AHCY: variants seen among roughly 807,000 people sequenced by gnomAD.
AHCY encodes adenosylhomocysteinase.
Under a neutral mutation model 45.4 loss-of-function variants are expected in AHCY, and 24 were observed. That is an observed-to-expected ratio of 0.53 (90% CI 0.38 to 0.74). The LOEUF (loss-of-function observed/expected upper bound fraction) is 0.74. Among genes scored for constraint, AHCY ranks in the 30% least tolerant of loss-of-function variants. The probability of loss-of-function intolerance (pLI) is 0.00; values close to 1 mark genes in which losing one functional copy is unlikely to be tolerated. For synonymous variants in AHCY, 245 were observed against 235.1 expected, an observed-to-expected ratio of 1.04 and a Z score of -0.39; for missense variants, 449 against 594.1, an observed-to-expected ratio of 0.76 and a Z score of 2.54.
In AHCY at chr20:34,290,096, G is replaced by C. The variant is rs1411735763; in HGVS notation, c.972+236C>G. 1.3e-5 allele frequency among the ~76,000 whole-genome samples: 2 copies of C among 152,344 alleles called. No individual in the cohort carries two copies. Among genetic ancestry groups the C allele is most frequent in the South Asian group, 4.1e-4 (2 of 4,824 alleles). The stretch of plus-strand genomic sequence containing the variant: ...GCTTTTATTCTGCACACAGTAGCTA[G>C]AGTGATCTTTCTAAAACTACAGCCT... On this transcript the variant is annotated intron_variant, in intron 8 of 9. Transcript: ENST00000217426. This position sits in a 1 kb window ranked among gnomAD's most constrained non-coding sequence, Gnocchi z 4.5.
At chr20:34,274,374 T>C in the AHCY span, among the ~76,000 whole-genome samples, 1 of 152,166 alleles carries the variant, frequency 6.6e-6, no homozygotes, top group Non-Finnish European at 1.5e-5. Flanking sequence ...CCAGCCCATG[T>C]CATTCCAGAG....
the AHCY span, among the ~76,000 whole-genome samples, chr20:34,247,261 A>G: frequency 1.3e-5 from 2 of 148,182 alleles, no homozygotes; most frequent in Non-Finnish European, 3.0e-5. Context: ...ACAGGTTTCC[A>G]TCTTATTACG....
At chr20:34,244,834 T>C in the AHCY span, among the ~76,000 whole-genome samples, 1 of 152,206 alleles carries the variant, frequency 6.6e-6, no homozygotes, top group Non-Finnish European at 1.5e-5. Flanking sequence ...GGGTGGACTT[T>C]GTAACAACAA....
rs998856710 is a variant in AHCY at position 34,280,491 on chromosome 20, C to T, written c.*543G>A. The T allele has an allele frequency of 5.5e-6, 1 of 180,976 alleles. No homozygotes were observed. Among genetic ancestry groups the T allele is most frequent in the Non-Finnish European group, 1.2e-5 (1 of 83,938 alleles). 11.2% of individuals were successfully genotyped at this position (180,976 alleles called of 1,614,324 possible). A position where few individuals can be genotyped will look rare whatever the true frequency, so the allele number is the denominator to read the frequency against. On this transcript the variant is annotated 3_prime_UTR_variant, in exon 10 of 10. Transcript: ENST00000217426. ...GTTGCCCCTTAACAGTCTATTCTAA[C>T]CCCTGTAAAACAGGGACTAAAAGTA...
At chr20:34,245,146 A>T in the AHCY span, among the ~76,000 whole-genome samples, 293 of 151,782 alleles carry the variant, frequency 1.9e-3, 2 homozygotes, top group Non-Finnish European at 2.8e-3. Flanking sequence ...CCAGCCTGGC[A>T]AACATGATGA....
chr20:34,246,392 G>T, the AHCY span: 1 of 1,373,570 alleles, frequency 7.3e-7, no homozygotes, highest in South Asian at 1.2e-5. Flanking sequence ...TTTACAATGA[G>T]CAACATCAGG....
At chr20:34,295,345 T>G (rs199646406) in intron 2 of AHCY, 50 bp downstream of exon 2, 1 of 1,609,206 alleles carries the variant, frequency 6.2e-7, no homozygotes, top group Non-Finnish European at 8.5e-7. Flanking sequence ...CTTCCCTGGC[T>G]GAACCCAGGG....
intron 3 of AHCY, among the ~76,000 whole-genome samples, chr20:34,293,157 G>T (rs1220753553): frequency 6.6e-6 from 1 of 152,148 alleles, no homozygotes; most frequent in Non-Finnish European, 1.5e-5. Flanking sequence ...AGGCAGCCAT[G>T]ACCATTATCA....
At chr20:34,265,369 A>T in the AHCY span, among the ~76,000 whole-genome samples, 2 of 152,066 alleles carry the variant, frequency 1.3e-5, no homozygotes, top group Non-Finnish European at 2.9e-5. Flanking sequence ...CAAAAAATTT[A>T]AAAAATTAAC....
At chr20:34,264,789 A>ATTTTTTTT in the AHCY span, among the ~76,000 whole-genome samples, 1 of 104,220 alleles carries the variant, frequency 9.6e-6, no homozygotes, top group Non-Finnish European at 1.8e-5. Flanking sequence ...AGTTTACTTC[A>ATTTTTTTT]TTTTTTTTTT....
chr20:34,290,485 G>A lies in AHCY; in HGVS notation c.855-36C>T, dbSNP rs1246240811. On this transcript the variant is annotated intron_variant, in intron 7 of 9. Transcript: ENST00000217426. The surrounding 1 kb of genome is among the most constrained non-coding windows in gnomAD (Gnocchi z 4.5). ...GCCCAAGACCGTGGGAGATTGTCAG[G>A]GACAGAAAGCTGTCCCAACTCTGCC... 1.9e-6 allele frequency: 3 copies of A among 1,613,778 alleles called. No individual in the cohort carries two copies. The highest frequency in any genetic ancestry group is 2.5e-6 in the Non-Finnish European group (3 of 1,179,704).
At chr20:34,247,191 A>G in the AHCY span, among the ~76,000 whole-genome samples, 45 of 151,660 alleles carry the variant, frequency 3.0e-4, no homozygotes, top group African/African-American at 1.0e-3. Context: ...TCTCCTAAAT[A>G]GCTATTTTTA....
the AHCY span, among the ~76,000 whole-genome samples, chr20:34,232,553 C>T: frequency 2.6e-5 from 4 of 152,124 alleles, no homozygotes; most frequent in Admixed American, 6.5e-5. Context: ...CAGATTCAAC[C>T]ACCTGTGAAT....
chr20:34,278,154 T>A (rs907446376), downstream of AHCY, among the ~76,000 whole-genome samples: 4 of 152,088 alleles, frequency 2.6e-5, no homozygotes, highest in African/African-American at 7.2e-5. Flanking sequence ...GTCACACATG[T>A]GACAGATTAG....
chr20:34,252,429 G>A, the AHCY span, among the ~76,000 whole-genome samples: 3 of 152,204 alleles, frequency 2.0e-5, no homozygotes, highest in Non-Finnish European at 2.9e-5. Context: ...GGATGTGCAC[G>A]TAGGCTAGAT....
the AHCY span, among the ~76,000 whole-genome samples, chr20:34,233,680 A>G: frequency 3.9e-5 from 6 of 152,232 alleles, no homozygotes; most frequent in East Asian, 7.7e-4. Context: ...TACTTTGACT[A>G]TAAGCCCATT....
chr20:34,278,414 C>T (rs1056423550), downstream of AHCY, among the ~76,000 whole-genome samples: 3 of 152,304 alleles, frequency 2.0e-5, no homozygotes, highest in Middle Eastern at 3.4e-3. Flanking sequence ...TGCGCACACA[C>T]AGGCAGCGGC....
the AHCY span, among the ~76,000 whole-genome samples, chr20:34,252,751 A>G: frequency 1.3e-5 from 2 of 152,066 alleles, no homozygotes; most frequent in African/African-American, 4.8e-5. Flanking sequence ...GCCATATCTC[A>G]GGCTGTCTCA....
At chr20:34,285,289 A>G in intron 9 of AHCY, 151 bp downstream of exon 9, 1 of 813,772 alleles carries the variant, frequency 1.2e-6, no homozygotes, top group Middle Eastern at 3.6e-4. Flanking sequence ...TCTTCTGTCA[A>G]TGGGGAGAAT....
Sources: allele counts gnomAD v4.1 joint callset (sites outside exome capture counted in the v4.1 genomes callset), GRCh38; gene constraint gnomAD v4.1.1; non-coding constraint Gnocchi (gnomAD v3.1); transcripts MANE v1.5; gene names NCBI Gene and HGNC (gene_info 2026-07-23, HGNC 2026-07-21).